The following ADAMTS20 variants were observed in gnomAD, a reference collection of about 807,000 sequenced individuals.
The protein encoded by ADAMTS20 is A disintegrin and metalloproteinase with thrombospondin motifs 20.
In ADAMTS20, 225 loss-of-function variants were observed where a neutral mutation model predicts 260.1. The observed-to-expected ratio is 0.87, with a 90% confidence interval of 0.78 to 0.97. ADAMTS20 has a LOEUF of 0.97. Among genes scored for constraint, ADAMTS20 ranks in the 50% least tolerant of loss-of-function variants. ADAMTS20 has a pLI of 0.00. For missense variants in ADAMTS20, 2,400 were observed against 2,337.7 expected (o/e 1.03, Z -0.55); for synonymous variants, 802 against 769.5 (o/e 1.04, Z -0.70).
At chr12:43,516,243 T>C (rs1314325441) in intron 3 of ADAMTS20, among the ~76,000 whole-genome samples, 2 of 94,074 alleles carry the variant, frequency 2.1e-5, no homozygotes, top group Non-Finnish European at 6.4e-5. Context: ...ACCATCCTCC[T>C]TTTGCAGTTT....
At chr12:43,363,808 A>T (rs1939925846) in intron 37 of ADAMTS20, among the ~76,000 whole-genome samples, 2 of 152,212 alleles carry the variant, frequency 1.3e-5, no homozygotes, top group East Asian at 3.8e-4. Context: ...GAGGCAGCTA[A>T]GAAAGGCTCT....
At chr12:43,487,906 C>A (rs761941435) in intron 7 of ADAMTS20, among the ~76,000 whole-genome samples, 2 of 152,044 alleles carry the variant, frequency 1.3e-5, no homozygotes, top group Non-Finnish European at 2.9e-5. Context: ...CATGATGTTG[C>A]AGACTCAAGT....
rs35875054 is a variant in ADAMTS20 at position 43,432,389 on chromosome 12, T to C, written c.3011A>G (p.Asn1004Ser). The C allele has an allele frequency of 1.4e-3, 2,260 of 1,613,882 alleles. 28 individuals are homozygous for C. In the African/African-American group the frequency reaches 0.026, roughly 18 times the overall value. Reference sequence around the variant, plus strand: ...CACTCGGGACAGTTCTTGGCATTCATTGTCAGCAAGACGATGGCCAAAGTT... The same window carrying C: ...CACTCGGGACAGTTCTTGGCATTCACTGTCAGCAAGACGATGGCCAAAGTT... ...MNNFGHRLAD[N>S]ECQELSRVTR... is the part of the protein sequence containing the mutation. Residue 1004 changes from asparagine (N) to serine (S), a missense_variant, in exon 21 of 39, where the codon AAT becomes AGT. Asn to Ser is a conservative substitution (Grantham distance 46). Coordinates refer to ENST00000389420, the MANE Select transcript of ADAMTS20 (RefSeq NM_025003.5).
chr12:43,374,390 T>C lies in ADAMTS20; in HGVS notation c.5446+989A>G, dbSNP rs192196169. Among the ~76,000 whole-genome samples the C allele has an allele frequency of 1.4e-3, 212 of 152,338 alleles. 5 individuals are homozygous for C. Among genetic ancestry groups the C allele is most frequent in the African/African-American group, 4.8e-3 (200 of 41,568 alleles). ...GCAATTGAGATGGAGTCTCTGCTAG[T>C]GAAATGCACTTTTTTGCCTCTTCAT... On this transcript the variant is annotated intron_variant, in intron 36 of 38. Transcript: ENST00000389420.
rs1330115499 is a variant in ADAMTS20 at position 43,453,950 on chromosome 12, C to T, written c.1717G>A (p.Gly573Arg). The T allele has an allele frequency of 6.2e-7, 1 of 1,612,504 alleles. No individual in the cohort carries two copies. Among genetic ancestry groups the T allele is most frequent in the Admixed American group, 1.7e-5 (1 of 59,762 alleles). The stretch of plus-strand genomic sequence containing the variant: ...CTGGTTGCACTTTCGATTCCGCCTC[C>T]ACATGTTCTTGAACAAGAACTGTAA... ...EPYSSCSRTC[G>R]GGIESATRRC... The change falls in exon 12 of 39, where the codon GGA becomes AGA. Residue 573 changes from glycine (G) to arginine (R), a missense_variant. Gly to Arg is a moderately radical substitution (Grantham distance 125, BLOSUM62 -2). Transcript: ENST00000389420.
intron 3 of ADAMTS20, among the ~76,000 whole-genome samples, chr12:43,527,487 A>G (rs1374986314): frequency 6.6e-6 from 1 of 152,172 alleles, no homozygotes; most frequent in Non-Finnish European, 1.5e-5. Context: ...AAAAGATAAT[A>G]CACCATAATC....
intron 3 of ADAMTS20, among the ~76,000 whole-genome samples, chr12:43,530,498 C>T (rs535552162): frequency 6.6e-6 from 1 of 152,244 alleles, no homozygotes; most frequent in African/African-American, 2.4e-5. Flanking sequence ...ACAGTGAGAA[C>T]CACTCTAAAG....
At chr12:43,444,088 C>T (rs1188894523) in intron 15 of ADAMTS20, among the ~76,000 whole-genome samples, 1 of 152,122 alleles carries the variant, frequency 6.6e-6, no homozygotes, top group East Asian at 1.9e-4. Flanking sequence ...TGTCAAGAAA[C>T]AGAGTTTAAG....
chr12:43,493,025 A>C, intron 5 of ADAMTS20, 145 bp downstream of exon 5: 1 of 651,320 alleles, frequency 1.5e-6, no homozygotes, highest in Non-Finnish European at 2.6e-6. Context: ...CATCACAACA[A>C]ATAAGGGTAA....
rs551300319 is a variant in ADAMTS20 at position 43,551,988 on chromosome 12, T to C, written c.-67A>G. 2,928 of 1,383,426 alleles carry C rather than the reference T, an allele frequency of 2.1e-3. 6 individuals are homozygous for C. Among genetic ancestry groups the C allele is most frequent in the Non-Finnish European group, 2.8e-3 (2,700 of 977,208 alleles). 85.7% of individuals were successfully genotyped at this position (1,383,426 alleles called of 1,614,324 possible). On this transcript the variant is annotated 5_prime_UTR_variant, in exon 1 of 39. Coordinates refer to ENST00000389420, the MANE Select transcript of ADAMTS20 (RefSeq NM_025003.5). This position sits in a 1 kb window ranked among gnomAD's most constrained non-coding sequence, Gnocchi z 4.6. ...CCGCCGGCAGCCAAGCCGGCTTCCC[T>C]CGCGCTCCGATCCCTCTCCTCCCTC...
chr12:43,370,716 C>T (rs1160191031), intron 36 of ADAMTS20, among the ~76,000 whole-genome samples: 1 of 152,170 alleles, frequency 6.6e-6, no homozygotes, highest in Admixed American at 6.5e-5. Context: ...ATCTTTTTCT[C>T]CAAATTTATT....
At chr12:43,508,213 T>C (rs1942873236) in intron 3 of ADAMTS20, among the ~76,000 whole-genome samples, 1 of 151,862 alleles carries the variant, frequency 6.6e-6, no homozygotes, top group Non-Finnish European at 1.5e-5. Context: ...AAGGAGATGA[T>C]AATTAGATCA....
chr12:43,450,271 C>T (rs913757944), intron 14 of ADAMTS20, among the ~76,000 whole-genome samples: 2 of 152,130 alleles, frequency 1.3e-5, no homozygotes, highest in South Asian at 2.1e-4. Context: ...AGAAGCTGTC[C>T]TCTGCATACA....
intron 2 of ADAMTS20, among the ~76,000 whole-genome samples, chr12:43,548,697 A>G (rs1283301755): frequency 6.6e-6 from 1 of 152,210 alleles, no homozygotes; most frequent in Non-Finnish European, 1.5e-5. Flanking sequence ...TAGACTTACA[A>G]TTGATTATGA....
At chr12:43,493,513 T>C (rs1942636291) in intron 4 of ADAMTS20, among the ~76,000 whole-genome samples, 1 of 152,172 alleles carries the variant, frequency 6.6e-6, no homozygotes, top group Non-Finnish European at 1.5e-5. Context: ...GACTGATCCA[T>C]GGATCAGCAG....
Position 43,452,285 on chromosome 12 carries a change from C to T in ADAMTS20, c.2068G>A (p.Gly690Ser). 1 of 1,610,546 alleles carries T rather than the reference C, an allele frequency of 6.2e-7. No individual in the cohort carries two copies. The highest frequency in any genetic ancestry group is 1.1e-5 in the South Asian group (1 of 90,120). The change falls in exon 14 of 39, where the codon GGC becomes AGC. Residue 690 changes from glycine (G) to serine (S), a missense_variant. Coordinates refer to ENST00000389420, the MANE Select transcript of ADAMTS20 (RefSeq NM_025003.5). Reference protein sequence around the residue: ...GTETHDICVQGQCMAAGCDHV... With the variant: ...GTETHDICVQSQCMAAGCDHV... ...TATAGTTTACTTACCATACACTGGC[C>T]TTGAACACAGATGTCATGAGTTTCA...
At chr12:43,372,833 G>A (rs558731704) in intron 36 of ADAMTS20, among the ~76,000 whole-genome samples, 1 of 152,322 alleles carries the variant, frequency 6.6e-6, no homozygotes, top group African/African-American at 2.4e-5. Context: ...TGGTAGATGT[G>A]GCAGTGGGAA....
At chr12:43,550,479 A>C (rs956938463) in intron 2 of ADAMTS20, among the ~76,000 whole-genome samples, 3 of 152,134 alleles carry the variant, frequency 2.0e-5, no homozygotes, top group African/African-American at 7.2e-5. Flanking sequence ...CATTTTATGT[A>C]TATTCATTCT....
intron 12 of ADAMTS20, 91 bp downstream of exon 12, chr12:43,453,816 T>G: frequency 3.5e-6 from 5 of 1,420,698 alleles, no homozygotes; most frequent in Non-Finnish European, 4.8e-6. Flanking sequence ...ACTTACGGAC[T>G]GACCTCCAGT....
Sources: gnomAD v4.1 joint callset for allele counts (sites outside exome capture counted in the v4.1 genomes callset) on GRCh38, gnomAD v4.1.1 for gene constraint, Gnocchi (gnomAD v3.1) non-coding constraint, MANE v1.5 for transcripts, NCBI Gene and HGNC (gene_info 2026-07-23, HGNC 2026-07-21) for gene names.